The following STX6 variants were observed in gnomAD, a reference collection of about 807,000 sequenced individuals.
STX6 encodes the protein syntaxin-6.
Under a neutral mutation model 38.0 loss-of-function variants are expected in STX6, and 23 were observed. That is an observed-to-expected ratio of 0.60 (90% CI 0.43 to 0.86). The LOEUF (loss-of-function observed/expected upper bound fraction) is 0.86, where lower values mean the gene tolerates loss of function less well. STX6 is among the 40% of genes least tolerant of loss of function. The pLI is 0.00. For missense variants in STX6, 274 were observed against 312.9 expected (o/e 0.88, Z 0.94); for synonymous variants, 123 against 107.5 (o/e 1.14, Z -0.89).
chr1:180,984,684 C>A lies in STX6; in HGVS notation c.684G>T (p.Met228Ile). Residue 228 changes from methionine (M) to isoleucine (I), a missense_variant, in exon 7 of 8, where the codon ATG (methionine) becomes ATT (isoleucine). Coordinates refer to ENST00000258301, the MANE Select transcript of STX6 (RefSeq NM_005819.6). ...VMKKLAKVSHMTSDRRQWCAI... is the reference protein window; with the variant it reads ...VMKKLAKVSHITSDRRQWCAI... ...TTTAAACGCCATACATACCACTGGT[C>A]ATATGAGATACTTTTGCAAGTTTCT... 6.7e-7 allele frequency: 1 copy of A among 1,497,568 alleles called. No individual in the cohort carries two copies. Among genetic ancestry groups the A allele is most frequent in the South Asian group, 1.1e-5 (1 of 88,520 alleles). The allele number at this position is 1,497,568 out of a possible 1,614,324, so 92.8% of individuals were successfully genotyped here. A position where few individuals can be genotyped will look rare whatever the true frequency, so the allele number is the denominator to read the frequency against.
At chr1:180,989,535 C>T (rs977734200) in intron 5 of STX6, among the ~76,000 whole-genome samples, 27 of 149,192 alleles carry the variant, frequency 1.8e-4, no homozygotes, top group Admixed American at 9.3e-4. Flanking sequence ...CAATAATTTT[C>T]GAAGAAAAAA....
At chr1:180,981,304 T>TG in intron 7 of STX6, among the ~76,000 whole-genome samples, 1 of 152,204 alleles carries the variant, frequency 6.6e-6, no homozygotes, top group Non-Finnish European at 1.5e-5. Context: ...CTGTACTTCC[T>TG]GCTCAATTTT....
intron 6 of STX6, among the ~76,000 whole-genome samples, chr1:180,985,317 A>G (rs1655542856): frequency 1.3e-5 from 2 of 152,226 alleles, no homozygotes; most frequent in Admixed American, 6.5e-5. Flanking sequence ...CTTCGACAAC[A>G]TACTCTATAA....
intron 1 of STX6, among the ~76,000 whole-genome samples, chr1:181,013,892 T>C (rs1656480251): frequency 6.6e-6 from 1 of 152,206 alleles, no homozygotes; most frequent in Non-Finnish European, 1.5e-5. Context: ...ACTTGTTACA[T>C]GTTAGCTCAG....
rs766933392 is a variant in STX6 at position 181,022,606 on chromosome 1, C to A, written c.35+33G>T. The A allele has an allele frequency of 1.2e-5, 20 of 1,601,618 alleles. No homozygotes were observed. In the South Asian group the frequency reaches 2.2e-4, roughly 18 times the overall value. ...GTGCGGGCAGGCAGCACCGCCACCT[C>A]TTCCTCCGGTGGAGCGCTCGGCCGA... On this transcript the variant is annotated intron_variant, in intron 1 of 7. Coordinates refer to ENST00000258301, the MANE Select transcript of STX6 (RefSeq NM_005819.6).
chr1:181,008,725 T>TTG (rs1553266077), intron 1 of STX6, among the ~76,000 whole-genome samples: 5 of 95,048 alleles, frequency 5.3e-5, no homozygotes, highest in Non-Finnish European at 1.1e-4. Context: ...CTTTCCAAAA[T>TTG]TGTTTTTTTT....
chr1:181,004,158 G>A (rs181523632), intron 2 of STX6, among the ~76,000 whole-genome samples: 23 of 152,240 alleles, frequency 1.5e-4, no homozygotes, highest in African/African-American at 5.3e-4. Flanking sequence ...CACTAAAGAG[G>A]AAACGGAAGC....
chr1:180,987,543 A>G (rs1436562318), intron 6 of STX6, among the ~76,000 whole-genome samples: 1 of 152,182 alleles, frequency 6.6e-6, no homozygotes, highest in Non-Finnish European at 1.5e-5. Flanking sequence ...ATAATCAATC[A>G]ATGTGTCATG....
intron 1 of STX6, among the ~76,000 whole-genome samples, chr1:181,021,504 A>G (rs1252745358): frequency 6.6e-6 from 1 of 152,228 alleles, no homozygotes; most frequent in Non-Finnish European, 1.5e-5. Flanking sequence ...ACTTGACTAT[A>G]CAACGGCCAG....
Position 180,974,930 on chromosome 1 carries a change from A to G in STX6, c.*1640T>C, listed in dbSNP as rs1655207034. 6.6e-6 allele frequency: 1 copy of G among 152,664 alleles called. No homozygotes were observed. Among genetic ancestry groups the G allele is most frequent in the Non-Finnish European group, 1.5e-5 (1 of 68,038 alleles). 9.5% of individuals were successfully genotyped at this position (152,664 alleles called of 1,614,324 possible). On this transcript the variant is annotated 3_prime_UTR_variant, in exon 8 of 8. Coordinates refer to ENST00000258301, the MANE Select transcript of STX6 (RefSeq NM_005819.6). The stretch of plus-strand genomic sequence containing the variant: ...ATCAACAGGCATATTTTCTTAACCT[A>G]CCATGATCTCAAATGAGATAAAATA...
In STX6 at chr1:180,974,301, A is replaced by T. The variant is rs1374655605; in HGVS notation, c.*2269T>A. 1 of 152,220 alleles carries T rather than the reference A, an allele frequency of 6.6e-6. No individual in the cohort carries two copies. Among genetic ancestry groups the T allele is most frequent in the Non-Finnish European group, 1.5e-5 (1 of 68,048 alleles). 9.4% of individuals were successfully genotyped at this position (152,220 alleles called of 1,614,324 possible). On this transcript the variant is annotated 3_prime_UTR_variant, in exon 8 of 8. Coordinates refer to ENST00000258301, the MANE Select transcript of STX6 (RefSeq NM_005819.6). ...GGTAGAATGCACTGTATTGTTAGTT[A>T]ACTTTCTAAATTGTTCTCTATTTAG...
At chr1:181,002,467 A>T (rs188244050) in intron 3 of STX6, 139 bp downstream of exon 3, 8 of 562,598 alleles carry the variant, frequency 1.4e-5, no homozygotes, top group Non-Finnish European at 2.2e-5. Flanking sequence ...CAGAGAAATT[A>T]TATATGGGGA....
intron 5 of STX6, chr1:180,988,657 G>C (rs1470374200): frequency 3.9e-6 from 1 of 255,524 alleles, no homozygotes; most frequent in African/African-American, 2.3e-5. Context: ...CACACGTGCA[G>C]ATGACCATTG....
rs577552614 is a variant in STX6 at position 181,001,166 on chromosome 1, C to CATTTGATTTCAAATA, written c.300+1439_300+1440insTATTTGAAATCAAAT. ...TATATAAAGTTCAGTGATAATCTAC[C>CATTTGATTTCAAATA]ATTTGAAATAATTTCAAAAGGAAAT... is the stretch of plus-strand genomic sequence containing the variant. On this transcript the variant is annotated intron_variant, in intron 3 of 7. Coordinates refer to ENST00000258301, the MANE Select transcript of STX6 (RefSeq NM_005819.6). Among the ~76,000 whole-genome samples the CATTTGATTTCAAATA allele has an allele frequency of 6.5e-4, 99 of 152,294 alleles. 3 individuals are homozygous for CATTTGATTTCAAATA. In the East Asian group the frequency reaches 0.017, roughly 26 times the overall value.
At position 181,005,441 on chromosome 1, in the gene STX6, T is replaced by C; in HGVS notation, c.58A>G (p.Thr20Ala). ...VKGEVQKAVN[T>A]AQGLFQRWTE... ...CATCTCTGAAACAATCCCTGGGCAGTGTTGACTGCTTTCTGTACCTCTCTG... is the reference window on the plus strand; with the variant it reads ...CATCTCTGAAACAATCCCTGGGCAGCGTTGACTGCTTTCTGTACCTCTCTG... Residue 20 changes from threonine (T) to alanine (A), a missense_variant, in exon 2 of 8, where the codon ACT becomes GCT. Coordinates refer to ENST00000258301, the MANE Select transcript of STX6 (RefSeq NM_005819.6). 1 of 1,613,894 alleles carries C rather than the reference T, an allele frequency of 6.2e-7. No homozygotes were observed. The highest frequency in any genetic ancestry group is 8.5e-7 in the Non-Finnish European group (1 of 1,179,862).
chr1:181,009,060 G>C (rs1656319507), intron 1 of STX6, among the ~76,000 whole-genome samples: 1 of 152,006 alleles, frequency 6.6e-6, no homozygotes, highest in Non-Finnish European at 1.5e-5. Context: ...CATTTTGCCA[G>C]TGGAATATTA....
At chr1:181,019,541 C>A (rs780284449) in intron 1 of STX6, among the ~76,000 whole-genome samples, 32 of 152,274 alleles carry the variant, frequency 2.1e-4, no homozygotes, top group Admixed American at 1.7e-3. Flanking sequence ...AGAGTAAGAG[C>A]ATCCAGTACA....
At chr1:180,989,660 C>T (rs1558089891) in intron 5 of STX6, among the ~76,000 whole-genome samples, 1 of 152,048 alleles carries the variant, frequency 6.6e-6, no homozygotes, top group Non-Finnish European at 1.5e-5. Context: ...TGCTCTGTCA[C>T]CCAGGCTAGA....
intron 7 of STX6, among the ~76,000 whole-genome samples, chr1:180,983,965 G>C (rs1467471527): frequency 6.8e-6 from 1 of 148,002 alleles, no homozygotes; most frequent in Non-Finnish European, 1.5e-5. Flanking sequence ...TTGGGAGGCT[G>C]AGGCAGGAGA....
Sources: allele counts gnomAD v4.1 joint callset (sites outside exome capture counted in the v4.1 genomes callset), GRCh38; gene constraint gnomAD v4.1.1; transcripts MANE v1.5; gene names NCBI Gene and HGNC (gene_info 2026-07-23, HGNC 2026-07-21).